The following CRTC1 variants were observed in gnomAD, a reference collection of about 807,000 sequenced individuals.
CRTC1 encodes the protein CREB-regulated transcription coactivator 1.
Under a neutral mutation model 66.1 loss-of-function variants are expected in CRTC1, and 18 were observed. The ratio of observed to expected loss-of-function variants is 0.27; its 90% CI spans 0.19 to 0.40. CRTC1 has a LOEUF of 0.40. CRTC1 is among the 10% of genes least tolerant of loss of function. The probability of loss-of-function intolerance (pLI) is 1.00; values close to 1 mark genes in which losing one functional copy is unlikely to be tolerated. For synonymous variants in CRTC1, 416 were observed against 398.8 expected, an observed-to-expected ratio of 1.04 and a Z score of -0.51; for missense variants, 669 against 887.9, an observed-to-expected ratio of 0.75 and a Z score of 3.13.
intron 1 of CRTC1, among the ~76,000 whole-genome samples, chr19:18,716,613 G>A (rs887172688): frequency 3.9e-5 from 6 of 152,142 alleles, no homozygotes; most frequent in South Asian, 2.1e-4. Context: ...AGAGCCCAGC[G>A]GGCATTAGTG....
At position 18,757,268 on chromosome 19, in the gene CRTC1, G is replaced by T. The variant is rs569574995; in HGVS notation, c.625-2283G>T. Among the ~76,000 whole-genome samples the T allele has an allele frequency of 1.4e-3, 210 of 152,292 alleles. 1 individual carries two copies. Among genetic ancestry groups the T allele is most frequent in the Non-Finnish European group, 2.2e-3 (151 of 68,014 alleles). On this transcript the variant is annotated intron_variant, in intron 6 of 13. Coordinates refer to ENST00000321949, the MANE Select transcript of CRTC1 (RefSeq NM_015321.3). ...CGGTCCTGCCTTTGTCCTTGAACAG[G>T]AGTCTCGGGGGCCCCTACCTGGAGC...
At chr19:18,744,397 C>T (rs1473637680) in intron 2 of CRTC1, among the ~76,000 whole-genome samples, 2 of 152,218 alleles carry the variant, frequency 1.3e-5, no homozygotes, top group Non-Finnish European at 2.9e-5. Context: ...GGGCAGATGC[C>T]ATAGCCGCGC....
chr19:18,700,411 G>A (rs753114980), intron 1 of CRTC1, among the ~76,000 whole-genome samples: 1 of 152,014 alleles, frequency 6.6e-6, no homozygotes, highest in Non-Finnish European at 1.5e-5. Context: ...GCAAGGGGGC[G>A]AAGCCTCCCT....
In CRTC1 at chr19:18,753,623, T is replaced by C. The variant is rs754549459; in HGVS notation, c.624+38T>C. 3.3e-6 allele frequency: 5 copies of C among 1,502,014 alleles called. No individual in the cohort carries two copies. In the African/African-American group the frequency reaches 7.0e-5, roughly 21 times the overall value. The allele number at this position is 1,502,014 out of a possible 1,614,324, so 93.0% of individuals were successfully genotyped here. ...GAGCTTTCAAAAACTTTTTTTCTTC[T>C]TTCTCTTCTCAAGCATCACCTGGGC... On this transcript the variant is annotated intron_variant, in intron 6 of 13. Coordinates refer to ENST00000321949, the MANE Select transcript of CRTC1 (RefSeq NM_015321.3).
chr19:18,743,880 C>T (rs939376812), intron 2 of CRTC1, among the ~76,000 whole-genome samples: 1 of 152,202 alleles, frequency 6.6e-6, no homozygotes, highest in Non-Finnish European at 1.5e-5. Flanking sequence ...AGGTTTTCTC[C>T]CCTCCTGCCC....
chr19:18,694,727 C>T (rs565118127), intron 1 of CRTC1, among the ~76,000 whole-genome samples: 83 of 152,232 alleles, frequency 5.5e-4, no homozygotes, highest in Admixed American at 1.4e-3. Flanking sequence ...TGAGTCACTG[C>T]GCCAGGCGCA....
intron 6 of CRTC1, among the ~76,000 whole-genome samples, chr19:18,756,624 A>G (rs2054495410): frequency 6.6e-6 from 1 of 151,848 alleles, no homozygotes; most frequent in Non-Finnish European, 1.5e-5. Flanking sequence ...TAAAAAAAAA[A>G]AAATTCTAAC....
chr19:18,753,463 TTC>T, intron 5 of CRTC1, 35 bp from the exon 6 acceptor site: 1 of 1,503,904 alleles, frequency 6.6e-7, no homozygotes, highest in Non-Finnish European at 9.2e-7. Flanking sequence ...AAGAAATTTC[TTC>T]TCTGATTCTC....
At chr19:18,689,216 C>T (rs1019579417) in intron 1 of CRTC1, among the ~76,000 whole-genome samples, 7 of 151,336 alleles carry the variant, frequency 4.6e-5, no homozygotes, top group African/African-American at 9.7e-5. Flanking sequence ...CAAAGTGCTG[C>T]GATTGCAGGT....
At chr19:18,734,561 C>G (rs376860595) in intron 1 of CRTC1, among the ~76,000 whole-genome samples, 26 of 151,744 alleles carry the variant, frequency 1.7e-4, no homozygotes, top group African/African-American at 6.0e-4. Flanking sequence ...GTGCACACCA[C>G]TACTCCCAGC....
chr19:18,734,851 C>G (rs1442444404), intron 1 of CRTC1, among the ~76,000 whole-genome samples: 1 of 152,180 alleles, frequency 6.6e-6, no homozygotes, highest in East Asian at 1.9e-4. Context: ...CCCTCAGTCA[C>G]TAGCCTCTCC....
chr19:18,689,544 C>CA (rs534413467), intron 1 of CRTC1, among the ~76,000 whole-genome samples: 15 of 40,914 alleles, frequency 3.7e-4, no homozygotes, highest in Non-Finnish European at 4.6e-4. Context: ...GACTCCATCT[C>CA]AAAAAAAAAA....
At chr19:18,685,441 G>A (rs887305093) in intron 1 of CRTC1, among the ~76,000 whole-genome samples, 2 of 152,150 alleles carry the variant, frequency 1.3e-5, no homozygotes, top group Non-Finnish European at 2.9e-5. Context: ...TGGATCACCT[G>A]AGGTTAGGAG....
chr19:18,733,664 C>T (rs922868042), intron 1 of CRTC1, among the ~76,000 whole-genome samples: 1 of 152,182 alleles, frequency 6.6e-6, no homozygotes, highest in Admixed American at 6.5e-5. Flanking sequence ...AGCCATGCAG[C>T]GAGGGGTCAG....
At chr19:18,758,641 TC>T (rs1305567309) in intron 6 of CRTC1, among the ~76,000 whole-genome samples, 1 of 151,950 alleles carries the variant, frequency 6.6e-6, no homozygotes, top group Non-Finnish European at 1.5e-5. Context: ...ACCCTGAGGG[TC>T]CCCGGGGAAG....
intron 1 of CRTC1, among the ~76,000 whole-genome samples, chr19:18,693,645 C>T (rs936014850): frequency 5.3e-5 from 8 of 151,748 alleles, no homozygotes; most frequent in African/African-American, 1.7e-4. Context: ...CCATGCCCGG[C>T]TACTTTTTTT....
At chr19:18,722,337 AT>A (rs750121739) in intron 1 of CRTC1, among the ~76,000 whole-genome samples, 4 of 152,178 alleles carry the variant, frequency 2.6e-5, no homozygotes, top group Non-Finnish European at 5.9e-5. Context: ...ATTGGAGAGT[AT>A]CCCCCAGACA....
chr19:18,694,313 A>G (rs1433376239), intron 1 of CRTC1, among the ~76,000 whole-genome samples: 1 of 151,154 alleles, frequency 6.6e-6, no homozygotes, highest in Non-Finnish European at 1.5e-5. Context: ...AAAAAAAAAA[A>G]AAAAGAAGAA....
chr19:18,728,237 A>T (rs1265604656), intron 1 of CRTC1, among the ~76,000 whole-genome samples: 7 of 152,138 alleles, frequency 4.6e-5, no homozygotes, highest in African/African-American at 1.7e-4. Context: ...GGTTGGGAGA[A>T]TGTCCCGTCC....
Sources: gnomAD v4.1 joint callset for allele counts (sites outside exome capture counted in the v4.1 genomes callset) on GRCh38, gnomAD v4.1.1 for gene constraint, MANE v1.5 for transcripts, NCBI Gene and HGNC (gene_info 2026-07-23, HGNC 2026-07-21) for gene names.